VWC2: variants seen among roughly 807,000 people sequenced by gnomAD.
VWC2 encodes the protein von Willebrand factor C domain containing 2, also known as brorin.
In VWC2, 14 loss-of-function variants were observed where a neutral mutation model predicts 29.8. The ratio of observed to expected loss-of-function variants is 0.47; its 90% CI spans 0.31 to 0.74. The LOEUF (loss-of-function observed/expected upper bound fraction) is 0.74. Among genes scored for constraint, VWC2 ranks in the 30% least tolerant of loss-of-function variants. The probability of loss-of-function intolerance (pLI) is 0.05; values close to 1 mark genes in which losing one functional copy is unlikely to be tolerated. For synonymous variants in VWC2, 213 were observed against 199.0 expected (o/e 1.07, Z -0.59); for missense variants, 457 against 459.8 (o/e 0.99, Z 0.05).
At chr7:49,787,908 C>G (rs1788335715) in intron 2 of VWC2, among the ~76,000 whole-genome samples, 1 of 152,152 alleles carries the variant, frequency 6.6e-6, no homozygotes, top group Non-Finnish European at 1.5e-5. Context: ...CAAGGGATGA[C>G]AGATATAATT....
chr7:49,870,214 G>T (rs1791087037), intron 3 of VWC2, among the ~76,000 whole-genome samples: 1 of 152,048 alleles, frequency 6.6e-6, no homozygotes, highest in Non-Finnish European at 1.5e-5. Flanking sequence ...TCCTGGCTAA[G>T]ACAGTGAAAC....
At chr7:49,840,393 C>T (rs932068091) in intron 3 of VWC2, among the ~76,000 whole-genome samples, 1 of 152,036 alleles carries the variant, frequency 6.6e-6, no homozygotes, top group African/African-American at 2.4e-5. Context: ...TCGCAGGGGC[C>T]CATCACATCT....
intron 2 of VWC2, among the ~76,000 whole-genome samples, chr7:49,781,815 C>A (rs10240495): frequency 0.21 from 31,818 of 152,166 alleles, 4,402 homozygotes; most frequent in Middle Eastern, 0.34. Flanking sequence ...ACTTGGCCAT[C>A]TGATGAACAA....
chr7:49,781,772 T>C (rs979495684), intron 2 of VWC2, among the ~76,000 whole-genome samples: 3 of 152,234 alleles, frequency 2.0e-5, no homozygotes, highest in African/African-American at 7.2e-5. Context: ...TCCACTTGGC[T>C]AAGCATTTAT....
At chr7:49,796,304 A>G (rs1203931341) in intron 2 of VWC2, among the ~76,000 whole-genome samples, 3 of 152,186 alleles carry the variant, frequency 2.0e-5, no homozygotes, top group Non-Finnish European at 4.4e-5. Context: ...TGGGGTTTTC[A>G]TGCCTCCCAT....
rs1349121721 is a variant in VWC2 at position 49,877,480 on chromosome 7, AAATATATATATAT to A, written c.827-34552_827-34540del. Among the ~76,000 whole-genome samples the A allele has an allele frequency of 1.9e-3, 44 of 23,506 alleles. 7 individuals carry two copies. The highest frequency in any genetic ancestry group is 0.032 in the Middle Eastern group (2 of 62). 15.4% of individuals were successfully genotyped at this position (23,506 alleles called of 152,430 possible). A position where few individuals can be genotyped will look rare whatever the true frequency, so the allele number is the denominator to read the frequency against. ...TCTGTCTCAAAAAAAAAAAAAAAAA[AAATATATATATAT>A]ATATATATATATATATATATATATA... is the stretch of plus-strand genomic sequence containing the variant. On this transcript the variant is annotated intron_variant, in intron 3 of 3. Coordinates refer to ENST00000340652, the MANE Select transcript of VWC2 (RefSeq NM_198570.5).
Position 49,898,380 on chromosome 7 carries a change from G to A in VWC2, c.827-13654G>A, listed in dbSNP as rs116057175. On this transcript the variant is annotated intron_variant, in intron 3 of 3. Transcript: ENST00000340652. ...GTTACTTCTTTCTTTATTTAGATAT[G>A]GGTTTCTTACCCATACAATTTTCTT... Among the ~76,000 whole-genome samples the A allele has an allele frequency of 7.6e-3, 1,152 of 151,150 alleles. 24 individuals carry two copies. Among genetic ancestry groups the A allele is most frequent in the African/African-American group, 0.026 (1,091 of 41,196 alleles).
At chr7:49,798,419 A>C (rs951983530) in intron 2 of VWC2, among the ~76,000 whole-genome samples, 1 of 152,242 alleles carries the variant, frequency 6.6e-6, no homozygotes, top group Non-Finnish European at 1.5e-5. Context: ...TTAAAGCCTC[A>C]TGTCAAAGCT....
chr7:49,860,493 A>C (rs1390021785), intron 3 of VWC2, among the ~76,000 whole-genome samples: 5 of 152,136 alleles, frequency 3.3e-5, no homozygotes, highest in African/African-American at 9.7e-5. Flanking sequence ...TTGTTGCTCC[A>C]TTCATCTCTT....
intron 2 of VWC2, among the ~76,000 whole-genome samples, chr7:49,801,013 T>C (rs941126207): frequency 6.6e-6 from 1 of 152,074 alleles, no homozygotes; most frequent in Non-Finnish European, 1.5e-5. Context: ...TTTTCAAAGT[T>C]TCCTTTCTTT....
intron 3 of VWC2, among the ~76,000 whole-genome samples, chr7:49,836,748 T>G (rs577985): frequency 0.014 from 2,107 of 152,220 alleles, 57 homozygotes; most frequent in African/African-American, 0.049. Context: ...AGAAAAAATC[T>G]TTTAGGTTTT....
intron 3 of VWC2, among the ~76,000 whole-genome samples, chr7:49,900,943 C>T (rs1188486239): frequency 6.6e-6 from 1 of 151,720 alleles, no homozygotes; most frequent in East Asian, 1.9e-4. Context: ...CCAGGTATGC[C>T]TTAATTCATC....
At position 49,866,896 on chromosome 7, in the gene VWC2, T is replaced by C. The variant is rs546802146; in HGVS notation, c.827-45138T>C. Among the ~76,000 whole-genome samples the C allele has an allele frequency of 7.2e-5, 11 of 152,288 alleles. No individual in the cohort carries two copies. In the East Asian group the frequency reaches 1.2e-3, roughly 16 times the overall value. The stretch of plus-strand genomic sequence containing the variant: ...CGGGAACATGCCTGAAATGGCTCCA[T>C]TGGAGCAGCAGCACAGCAAAGCCAC... On this transcript the variant is annotated intron_variant, in intron 3 of 3. Coordinates refer to ENST00000340652, the MANE Select transcript of VWC2 (RefSeq NM_198570.5).
At chr7:49,871,981 A>C in intron 3 of VWC2, among the ~76,000 whole-genome samples, 2 of 134,872 alleles carry the variant, frequency 1.5e-5, no homozygotes, top group East Asian at 2.6e-4. Flanking sequence ...GGAGGGAGGG[A>C]GGGTAGGAAG....
At chr7:49,873,304 G>C (rs1238660839) in intron 3 of VWC2, among the ~76,000 whole-genome samples, 2 of 152,170 alleles carry the variant, frequency 1.3e-5, no homozygotes, top group Admixed American at 1.3e-4. Flanking sequence ...GTGAGGGCCT[G>C]CTTCCTGGTT....
At chr7:49,776,737 T>C (rs1375986108) in intron 2 of VWC2, among the ~76,000 whole-genome samples, 2 of 152,212 alleles carry the variant, frequency 1.3e-5, no homozygotes, top group Non-Finnish European at 2.9e-5. Context: ...ATGTTAATAA[T>C]ACCGGCCATC....
At chr7:49,828,031 C>T (rs1043818537) in intron 3 of VWC2, among the ~76,000 whole-genome samples, 1 of 152,168 alleles carries the variant, frequency 6.6e-6, no homozygotes, top group Non-Finnish European at 1.5e-5. Flanking sequence ...TAATTCCCAT[C>T]CCACCCTACC....
At position 49,775,411 on chromosome 7, in the gene VWC2, C is replaced by G; in HGVS notation, c.-25C>G. The G allele has an allele frequency of 7.0e-6, 9 of 1,278,736 alleles. No homozygotes were observed. The highest frequency in any genetic ancestry group is 9.0e-6 in the Non-Finnish European group (9 of 995,584). The allele number at this position is 1,278,736 out of a possible 1,614,324, so 79.2% of individuals were successfully genotyped here. ...GCCCCTCGGCCGCGCTCCCCGCCCG[C>G]CCGCCCGCCGGGACGTGGTAGGGGA... is the stretch of plus-strand genomic sequence containing the variant. On this transcript the variant is annotated 5_prime_UTR_variant, in exon 2 of 4. Coordinates refer to ENST00000340652, the MANE Select transcript of VWC2 (RefSeq NM_198570.5).
intron 3 of VWC2, among the ~76,000 whole-genome samples, chr7:49,866,242 G>A (rs115758328): frequency 0.014 from 2,126 of 152,282 alleles, 35 homozygotes; most frequent in African/African-American, 0.048. Context: ...TGTGTTCACT[G>A]GGTATGCTTT....
Sources: allele counts gnomAD v4.1 joint callset (sites outside exome capture counted in the v4.1 genomes callset), GRCh38; gene constraint gnomAD v4.1.1; transcripts MANE v1.5; gene names NCBI Gene and HGNC (gene_info 2026-07-23, HGNC 2026-07-21).